Variants in NCAN observed in about 807,000 individuals in gnomAD.
NCAN encodes the protein neurocan, also known as neurocan core protein.
A neutral mutation model predicts 121.8 loss-of-function variants in NCAN; 47 were observed. The observed-to-expected ratio is 0.39, with a 90% confidence interval of 0.31 to 0.49. The LOEUF (loss-of-function observed/expected upper bound fraction) is 0.49. Ranked by LOEUF, NCAN falls within the 20% of genes least tolerant of loss-of-function variation. NCAN has a pLI of 0.92. For synonymous variants in NCAN, 633 were observed against 702.0 expected, an observed-to-expected ratio of 0.90 and a Z score of 1.55; for missense variants, 1,517 against 1,773.4, an observed-to-expected ratio of 0.86 and a Z score of 2.60.
intron 9 of NCAN, 124 bp downstream of exon 9, chr19:19,234,029 C>T: frequency 3.2e-6 from 2 of 632,350 alleles, no homozygotes; most frequent in Non-Finnish European, 2.8e-6. Flanking sequence ...ATGCTCCATT[C>T]CCAAACCCCA....
At chr19:19,226,346 G>A (rs1184744572) in intron 6 of NCAN, 140 bp from the exon 7 acceptor site, 5 of 667,012 alleles carry the variant, frequency 7.5e-6, no homozygotes, top group South Asian at 2.7e-5. Context: ...CCAGGCTGGG[G>A]GAATCTCAGA....
At chr19:19,239,515 C>T (rs1199947164) in intron 11 of NCAN, among the ~76,000 whole-genome samples, 2 of 137,834 alleles carry the variant, frequency 1.5e-5, no homozygotes, top group Non-Finnish European at 3.1e-5. Flanking sequence ...CTTCTCCCTC[C>T]TCTCCTCCCC....
At chr19:19,232,556 G>A (rs866836436) in intron 8 of NCAN, among the ~76,000 whole-genome samples, 1 of 152,218 alleles carries the variant, frequency 6.6e-6, no homozygotes, top group Non-Finnish European at 1.5e-5. Flanking sequence ...CCTTCATTCC[G>A]TTAGCAAGCA....
Position 19,224,160 on chromosome 19 carries a change from C to T in NCAN, c.615C>T (p.Asn205=), listed in dbSNP as rs988821140. ...CTGCCTTTGAGGATGGCTTTGACAA[C>T]TGTGATGCTGGCTGGCTCTCTGACC... ...LQAAFEDGFD[N]CDAGWLSDRT... The change falls in exon 4 of 15, where the codon AAC becomes AAT. Residue 205 remains asparagine (N), a synonymous_variant. Transcript: ENST00000252575. The T allele has an allele frequency of 6.3e-7, 1 of 1,598,380 alleles. No individual in the cohort carries two copies. Among genetic ancestry groups the T allele is most frequent in the Non-Finnish European group, 8.6e-7 (1 of 1,167,982 alleles).
chr19:19,230,103 G>A (rs2060852531), intron 8 of NCAN, among the ~76,000 whole-genome samples: 1 of 151,942 alleles, frequency 6.6e-6, no homozygotes, highest in Non-Finnish European at 1.5e-5. Flanking sequence ...GGAGTGCAGT[G>A]GTGTGATCTC....
intron 14 of NCAN, 53 bp downstream of exon 14, chr19:19,248,935 C>A: frequency 6.4e-7 from 1 of 1,571,658 alleles, no homozygotes; most frequent in Admixed American, 1.7e-5. Context: ...TTTCTAGTTT[C>A]CAAGTAAGAC....
Position 19,251,199 on chromosome 19 carries a change from A to G in NCAN, c.*1288A>G, listed in dbSNP as rs1474328296. On this transcript the variant is annotated 3_prime_UTR_variant, in exon 15 of 15. Transcript: ENST00000252575. ...ATCTGTGGATCAGGGTTAAAAAAGC[A>G]CCGTGGAGAATGGCCCTCTTCAGGA... 1 of 152,212 alleles carries G rather than the reference A, an allele frequency of 6.6e-6. No individual in the cohort carries two copies. Among genetic ancestry groups the G allele is most frequent in the Non-Finnish European group, 1.5e-5 (1 of 68,044 alleles). The allele number at this position is 152,212 out of a possible 1,614,324, so 9.4% of individuals were successfully genotyped here. A position where few individuals can be genotyped will look rare whatever the true frequency, so the allele number is the denominator to read the frequency against.
intron 10 of NCAN, 82 bp from the exon 11 acceptor site, chr19:19,238,171 C>G (rs761386766): frequency 1.1e-5 from 18 of 1,582,348 alleles, no homozygotes; most frequent in Non-Finnish European, 1.5e-5. Context: ...TGGGCCCTCT[C>G]TCTGGTGGGC....
rs1457753791 is a variant in NCAN at position 19,219,577 on chromosome 19, C to T, written c.475+261C>T. ...AGGCATGGTGGCACATGCCTGTAGT[C>T]CAGCTACTTGGGAGGCATAGGTGGG... On this transcript the variant is annotated intron_variant, in intron 3 of 14. Coordinates refer to ENST00000252575, the MANE Select transcript of NCAN (RefSeq NM_004386.3). Among the ~76,000 whole-genome samples the T allele has an allele frequency of 2.1e-5, 3 of 140,468 alleles. No individual in the cohort carries two copies. The East Asian group carries it at 6.5e-4, about 30-fold the overall frequency. The allele number at this position is 140,468 out of a possible 152,430, so 92.2% of individuals were successfully genotyped here.
At chr19:19,238,215 A>G in intron 10 of NCAN, 38 bp from the exon 11 acceptor site, 1 of 1,612,908 alleles carries the variant, frequency 6.2e-7, no homozygotes, top group Non-Finnish European at 8.5e-7. Flanking sequence ...CCTTGGGCCA[A>G]GGCCAGCCCC....
At position 19,228,353 on chromosome 19, in the gene NCAN, A is replaced by G. The variant is rs1384728642; in HGVS notation, c.2733A>G (p.Ser911=). 1 of 1,613,876 alleles carries G rather than the reference A, an allele frequency of 6.2e-7. No homozygotes were observed. The highest frequency in any genetic ancestry group is 1.6e-4 in the Middle Eastern group (1 of 6,062). ...ATCAGGTGGAGACCCAGGGAACATC[A>G]GGAGCTTCAGTGCCTCCGCATCAGA... ...PEDQVETQGT[S]GASVPPHQSS... The change falls in exon 8 of 15, where the codon TCA becomes TCG. Residue 911 remains serine (S), a synonymous_variant. Transcript: ENST00000252575.
intron 11 of NCAN, 29 bp from the exon 12 acceptor site, chr19:19,240,573 CA>C (rs748598353): frequency 1.2e-6 from 2 of 1,612,182 alleles, no homozygotes; most frequent in South Asian, 2.2e-5. Flanking sequence ...CATGGGTGAA[CA>C]CCCAGACCCA....
chr19:19,235,173 C>G, intron 10 of NCAN, 77 bp downstream of exon 10: 1 of 827,076 alleles, frequency 1.2e-6, no homozygotes, highest in Non-Finnish European at 2.0e-6. Flanking sequence ...CCCACATACT[C>G]CAGGTCCCTG....
chr19:19,246,680 C>T (rs2060925643), intron 13 of NCAN, among the ~76,000 whole-genome samples: 1 of 151,808 alleles, frequency 6.6e-6, no homozygotes, highest in Non-Finnish European at 1.5e-5. Flanking sequence ...ATTACAGGCA[C>T]ACACCACACC....
intron 10 of NCAN, among the ~76,000 whole-genome samples, chr19:19,236,719 T>C (rs2060882464): frequency 6.6e-6 from 1 of 150,406 alleles, no homozygotes; most frequent in African/African-American, 2.5e-5. Flanking sequence ...CATGAGCCAC[T>C]GTGCTTGGCC....
At chr19:19,230,527 C>G (rs925505195) in intron 8 of NCAN, among the ~76,000 whole-genome samples, 6 of 151,016 alleles carry the variant, frequency 4.0e-5, no homozygotes, top group African/African-American at 1.2e-4. Context: ...GCCTCAGGCT[C>G]CCAAGCAGCT....
At chr19:19,236,722 G>T (rs2146550726) in intron 10 of NCAN, among the ~76,000 whole-genome samples, 1 of 148,452 alleles carries the variant, frequency 6.7e-6, no homozygotes, top group Non-Finnish European at 1.5e-5. Flanking sequence ...GAGCCACTGT[G>T]CTTGGCCTTT....
chr19:19,227,577 G>A lies in NCAN; in HGVS notation c.1957G>A (p.Glu653Lys), dbSNP rs1230627107. The A allele has an allele frequency of 3.7e-5, 60 of 1,613,686 alleles. No individual in the cohort carries two copies. The highest frequency in any genetic ancestry group is 4.5e-5 in the East Asian group (2 of 44,892). Residue 653 changes from glutamate to lysine, a missense_variant, in exon 8 of 15, where the codon GAG (glutamate) becomes AAG (lysine). Coordinates refer to ENST00000252575, the MANE Select transcript of NCAN (RefSeq NM_004386.3). This position sits in a 1 kb window ranked among gnomAD's most constrained non-coding sequence, Gnocchi z 4.2. ...MLPHPTPISTEANRVEAHGEA... is the reference protein window; with the variant it reads ...MLPHPTPISTKANRVEAHGEA... ...ACCACACCCCACCCCCATCTCCACC[G>A]AGGCCAATAGAGTTGAGGCACATGG...
intron 3 of NCAN, among the ~76,000 whole-genome samples, 177 bp from the exon 4 acceptor site, chr19:19,223,844 C>G (rs1310560928): frequency 6.6e-6 from 1 of 152,142 alleles, no homozygotes; most frequent in East Asian, 1.9e-4. Context: ...TATCAGTTTC[C>G]TCATCTGTAA....
Sources: allele counts gnomAD v4.1 joint callset (sites outside exome capture counted in the v4.1 genomes callset), GRCh38; gene constraint gnomAD v4.1.1; non-coding constraint Gnocchi (gnomAD v3.1); transcripts MANE v1.5; gene names NCBI Gene and HGNC (gene_info 2026-07-23, HGNC 2026-07-21).